The following SRGAP2 variants were observed in gnomAD, a reference collection of about 807,000 sequenced individuals.
SRGAP2 encodes the protein SLIT-ROBO Rho GTPase-activating protein 2.
Under a neutral mutation model 57.2 loss-of-function variants are expected in SRGAP2, and 15 were observed. That is an observed-to-expected ratio of 0.26 (90% confidence interval 0.18 to 0.40). The LOEUF is 0.40. Ranked by LOEUF, SRGAP2 falls within the 10% of genes least tolerant of loss-of-function variation. The pLI is 1.00. For missense variants in SRGAP2, 520 were observed against 669.6 expected (o/e 0.78, Z 2.47); for synonymous variants, 249 against 248.0 (o/e 1.00, Z -0.04).
At chr1:206,319,266 C>T (rs1673288014) in intron 3 of SRGAP2, among the ~76,000 whole-genome samples, 1 of 147,450 alleles carries the variant, frequency 6.8e-6, no homozygotes, top group Non-Finnish European at 1.5e-5. Flanking sequence ...AAAAAATTAT[C>T]CGGGTGTGGT....
At chr1:206,447,724 T>C (rs1291652849) in intron 18 of SRGAP2, among the ~76,000 whole-genome samples, 1 of 152,166 alleles carries the variant, frequency 6.6e-6, no homozygotes, top group Admixed American at 6.5e-5. Flanking sequence ...CCTTCTAAAG[T>C]CAGGCAGAAC....
chr1:206,447,378 C>T (rs958782162), intron 18 of SRGAP2, among the ~76,000 whole-genome samples: 5 of 152,158 alleles, frequency 3.3e-5, no homozygotes, highest in African/African-American at 1.2e-4. Flanking sequence ...TTCTCCCTGA[C>T]CCCCACAGAA....
rs562126379 is a variant in SRGAP2, at chr1:206,438,217, C to T, written c.1768+119C>T. 1.3e-5 allele frequency: 8 copies of T among 627,886 alleles called. No individual in the cohort carries two copies. The Admixed American group carries it at 2.0e-4, about 16-fold the overall frequency. 38.9% of individuals were successfully genotyped at this position (627,886 alleles called of 1,614,324 possible). On this transcript the variant is annotated intron_variant, in intron 16 of 22. Transcript: ENST00000573034. Reference sequence around the variant, plus strand: ...CTTTTCAATGAAGTTTTTCTTTTCCCCAGTGAAATTTCTCCTCAGCCTCAC... The same window carrying T: ...CTTTTCAATGAAGTTTTTCTTTTCCTCAGTGAAATTTCTCCTCAGCCTCAC...
intron 4 of SRGAP2, among the ~76,000 whole-genome samples, chr1:206,363,540 T>C (rs12134348): frequency 0.45 from 68,345 of 151,552 alleles, 15,822 homozygotes; most frequent in East Asian, 0.71. Context: ...CTTGCTAATG[T>C]CCAATTCAAA....
chr1:206,232,275 T>G (rs1667692152), intron 2 of SRGAP2, among the ~76,000 whole-genome samples: 1 of 152,090 alleles, frequency 6.6e-6, no homozygotes, highest in Admixed American at 6.5e-5. Flanking sequence ...CCAGTCAAGG[T>G]TTTCCAGAGG....
rs1664362409 is a variant in SRGAP2 at position 206,463,095 on chromosome 1, T to C, written c.*1675T>C. ...TTCTTATCTTTGACCTAGAAGAGAT[T>C]CTTTTTGGACCAACCTGCGAAATTG... On this transcript the variant is annotated 3_prime_UTR_variant, in exon 23 of 23. Transcript: ENST00000573034. 1 of 152,314 alleles carries C rather than the reference T, an allele frequency of 6.6e-6. No individual in the cohort carries two copies. The highest frequency in any genetic ancestry group is 1.5e-5 in the Non-Finnish European group (1 of 68,044). The allele number at this position is 152,314 out of a possible 1,614,324, so 9.4% of individuals were successfully genotyped here. A position where few individuals can be genotyped will look rare whatever the true frequency, so the allele number is the denominator to read the frequency against.
At chr1:206,354,736 CTCTT>C (rs1291352799) in intron 4 of SRGAP2, among the ~76,000 whole-genome samples, 4 of 151,636 alleles carry the variant, frequency 2.6e-5, no homozygotes, top group Non-Finnish European at 4.4e-5. Context: ...CCTTTTCTCT[CTCTT>C]TCTCTCTCTC....
At chr1:206,391,023 C>G (rs1656889423) in intron 5 of SRGAP2, among the ~76,000 whole-genome samples, 1 of 152,134 alleles carries the variant, frequency 6.6e-6, no homozygotes, top group Admixed American at 6.5e-5. Context: ...TAGATTTTCT[C>G]AGCGTCAGCA....
chr1:206,364,108 G>C (rs1193413817), intron 4 of SRGAP2, among the ~76,000 whole-genome samples: 1 of 147,802 alleles, frequency 6.8e-6, no homozygotes, highest in Non-Finnish European at 1.5e-5. Context: ...ATTCAAGAGC[G>C]GGGCCCTGAT....
intron 4 of SRGAP2, among the ~76,000 whole-genome samples, chr1:206,371,518 C>G (rs1300053566): frequency 4.0e-5 from 6 of 149,002 alleles, no homozygotes; most frequent in African/African-American, 1.5e-4. Flanking sequence ...ATCACGAGGT[C>G]AGGAGATTGA....
chr1:206,328,271 T>C (rs1553330882), intron 3 of SRGAP2, among the ~76,000 whole-genome samples: 2 of 97,426 alleles, frequency 2.1e-5, no homozygotes, highest in African/African-American at 1.0e-4. Context: ...TAAACATACG[T>C]GTGCATGTGT....
intron 2 of SRGAP2, among the ~76,000 whole-genome samples, chr1:206,283,968 T>C (rs1323250763): frequency 2.1e-5 from 3 of 141,616 alleles, no homozygotes. Context: ...TAATAAAATA[T>C]AGTGCTTAGT....
intron 7 of SRGAP2, among the ~76,000 whole-genome samples, chr1:206,397,156 G>A (rs1657676337): frequency 1.3e-5 from 2 of 152,088 alleles, no homozygotes; most frequent in South Asian, 2.1e-4. Context: ...AATTAGTTTT[G>A]CCCATTGTAG....
At chr1:206,430,439 C>T (rs1446391311) in intron 14 of SRGAP2, among the ~76,000 whole-genome samples, 1 of 152,210 alleles carries the variant, frequency 6.6e-6, no homozygotes, top group Non-Finnish European at 1.5e-5. Context: ...ATGCCTCAGC[C>T]ACTTATCACG....
chr1:206,243,624 T>C (rs1432563146), intron 2 of SRGAP2, among the ~76,000 whole-genome samples: 6 of 152,152 alleles, frequency 3.9e-5, no homozygotes, highest in Non-Finnish European at 7.4e-5. Context: ...CAGACTGAGA[T>C]GGAGGAGGGG....
At chr1:206,378,656 G>A (rs1426821208) in intron 4 of SRGAP2, among the ~76,000 whole-genome samples, 4 of 152,204 alleles carry the variant, frequency 2.6e-5, no homozygotes, top group Non-Finnish European at 4.4e-5. Context: ...CTGTAAAAAC[G>A]CACCAATCAG....
intron 8 of SRGAP2, chr1:206,404,944 TTG>T (rs1658566337): frequency 8.3e-6 from 1 of 120,040 alleles, no homozygotes; most frequent in Non-Finnish European, 1.8e-5. Flanking sequence ...TGCCAAAGCA[TTG>T]TGTTTCTGGA....
intron 7 of SRGAP2, among the ~76,000 whole-genome samples, chr1:206,397,031 T>C (rs1657664610): frequency 6.6e-6 from 1 of 152,244 alleles, no homozygotes; most frequent in Non-Finnish European, 1.5e-5. Flanking sequence ...TGTCAAGATA[T>C]AGAATAAATA....
intron 2 of SRGAP2, among the ~76,000 whole-genome samples, chr1:206,281,913 CAA>C (rs1472632032): frequency 1.9e-5 from 2 of 106,288 alleles, no homozygotes. Flanking sequence ...GACTCCGTCA[CAA>C]AAAAAAAAAC....
Sources: allele counts gnomAD v4.1 joint callset (sites outside exome capture counted in the v4.1 genomes callset), GRCh38; gene constraint gnomAD v4.1.1; transcripts MANE v1.5; gene names NCBI Gene and HGNC (gene_info 2026-07-23, HGNC 2026-07-21).